AUH: variants seen among roughly 807,000 people sequenced by gnomAD.
AUH encodes AU RNA binding methylglutaconyl-CoA hydratase.
A neutral mutation model predicts 42.3 loss-of-function variants in AUH; 29 were observed. The ratio of observed to expected loss-of-function variants is 0.69; its 90% CI spans 0.51 to 0.93. The LOEUF (loss-of-function observed/expected upper bound fraction) is 0.93. AUH is among the 40% of genes least tolerant of loss of function. AUH has a pLI of 0.00. For missense variants in AUH, 452 were observed against 438.1 expected (o/e 1.03, Z -0.28); for synonymous variants, 174 against 166.4 (o/e 1.05, Z -0.35).
At chr9:91,277,077 C>T (rs762771156) in intron 6 of AUH, among the ~76,000 whole-genome samples, 6 of 152,114 alleles carry the variant, frequency 3.9e-5, no homozygotes, top group Non-Finnish European at 8.8e-5. Context: ...GTAATCCCAG[C>T]TACTTGGAAT....
intron 4 of AUH, among the ~76,000 whole-genome samples, chr9:91,300,038 T>C (rs1326510710): frequency 6.6e-6 from 1 of 152,212 alleles, no homozygotes; most frequent in Non-Finnish European, 1.5e-5. Flanking sequence ...AAGATTGTCC[T>C]ATAGCCAGTG....
chr9:91,243,791 G>T (rs1380968692), intron 6 of AUH, among the ~76,000 whole-genome samples: 1 of 152,122 alleles, frequency 6.6e-6, no homozygotes, highest in Non-Finnish European at 1.5e-5. Flanking sequence ...GCAGCAAAAT[G>T]AGCAAATTAA....
intron 6 of AUH, among the ~76,000 whole-genome samples, chr9:91,237,786 T>A (rs147816063): frequency 1.8e-4 from 27 of 152,326 alleles, no homozygotes; most frequent in African/African-American, 6.0e-4. Flanking sequence ...TGTTCCAAGC[T>A]CATCTTGTAC....
intron 9 of AUH, among the ~76,000 whole-genome samples, chr9:91,215,601 G>C (rs1297107480): frequency 6.6e-6 from 1 of 152,004 alleles, no homozygotes; most frequent in East Asian, 1.9e-4. Flanking sequence ...GAAAAGGGCC[G>C]ACTGTGTAAA....
At chr9:91,353,458 C>T (rs1832148707) in intron 3 of AUH, among the ~76,000 whole-genome samples, 1 of 152,126 alleles carries the variant, frequency 6.6e-6, no homozygotes, top group South Asian at 2.1e-4. Flanking sequence ...CATTCCTCAA[C>T]AATAACTGAT....
intron 3 of AUH, among the ~76,000 whole-genome samples, chr9:91,344,870 G>A (rs932346801): frequency 2.0e-5 from 3 of 152,054 alleles, no homozygotes; most frequent in Non-Finnish European, 2.9e-5. Context: ...ATTAATGATC[G>A]AGAGGTCTGT....
At chr9:91,234,382 A>G (rs1828060608) in intron 6 of AUH, among the ~76,000 whole-genome samples, 1 of 152,184 alleles carries the variant, frequency 6.6e-6, no homozygotes, top group African/African-American at 2.4e-5. Context: ...CTGCCATGGT[A>G]TAGACTGTCT....
intron 8 of AUH, among the ~76,000 whole-genome samples, chr9:91,216,709 T>C (rs1381151606): frequency 1.3e-5 from 2 of 152,156 alleles, no homozygotes; most frequent in Non-Finnish European, 2.9e-5. Context: ...TTACCCAAAA[T>C]ATAATAACTG....
At chr9:91,294,954 C>T (rs111550777) in intron 6 of AUH, among the ~76,000 whole-genome samples, 32,791 of 152,100 alleles carry the variant, frequency 0.22, 3,736 homozygotes, top group East Asian at 0.34. Flanking sequence ...AAATCTCATC[C>T]TGAATTGTAG....
chr9:91,332,649 G>A (rs1398368305), intron 3 of AUH, among the ~76,000 whole-genome samples: 1 of 152,226 alleles, frequency 6.6e-6, no homozygotes, highest in Non-Finnish European at 1.5e-5. Flanking sequence ...CACAGCTTTT[G>A]GCCAGAAGCC....
At chr9:91,274,357 T>G (rs998321110) in intron 6 of AUH, among the ~76,000 whole-genome samples, 2 of 152,216 alleles carry the variant, frequency 1.3e-5, no homozygotes, top group African/African-American at 2.4e-5. Context: ...CAGAGTGTTA[T>G]GATGACACAT....
intron 3 of AUH, among the ~76,000 whole-genome samples, chr9:91,347,184 T>C (rs1831576836): frequency 6.6e-6 from 1 of 151,522 alleles, no homozygotes; most frequent in South Asian, 2.1e-4. Context: ...ATTACAGGAA[T>C]GTGCCACCAC....
chr9:91,219,156 G>T (rs1417039917), intron 7 of AUH, among the ~76,000 whole-genome samples: 1 of 152,164 alleles, frequency 6.6e-6, no homozygotes, highest in African/African-American at 2.4e-5. Flanking sequence ...TGTGTGGACG[G>T]TGGTGGCATT....
chr9:91,250,013 G>GAA (rs200013936), intron 6 of AUH, among the ~76,000 whole-genome samples: 3,923 of 126,308 alleles, frequency 0.031, 78 homozygotes, highest in African/African-American at 0.062. Context: ...TCCGTCTCAA[G>GAA]AAAAAAAAAA....
At chr9:91,348,441 G>A (rs1831702259) in intron 3 of AUH, among the ~76,000 whole-genome samples, 1 of 152,180 alleles carries the variant, frequency 6.6e-6, no homozygotes, top group Non-Finnish European at 1.5e-5. Context: ...AAAAAGGTGT[G>A]TGTGAATGGT....
intron 4 of AUH, among the ~76,000 whole-genome samples, chr9:91,306,673 T>C (rs1229573686): frequency 1.3e-5 from 2 of 152,172 alleles, no homozygotes; most frequent in Non-Finnish European, 2.9e-5. Context: ...TTAACCCAGG[T>C]GATTTATACA....
chr9:91,290,688 A>G (rs980941930), intron 6 of AUH, among the ~76,000 whole-genome samples: 1 of 152,312 alleles, frequency 6.6e-6, no homozygotes, highest in African/African-American at 2.4e-5. Context: ...GTGAGTTCAC[A>G]AGACAAGACA....
chr9:91,308,757 T>C (rs1211865831), intron 4 of AUH, among the ~76,000 whole-genome samples: 1 of 151,852 alleles, frequency 6.6e-6, no homozygotes, highest in African/African-American at 2.4e-5. Flanking sequence ...AAAAAAATTC[T>C]GCAAACTTTG....
At chr9:91,247,214 C>T (rs554430311) in intron 6 of AUH, among the ~76,000 whole-genome samples, 4 of 152,258 alleles carry the variant, frequency 2.6e-5, no homozygotes, top group South Asian at 4.1e-4. Context: ...AGTCTACATC[C>T]GGACAGAGAA....
Sources: gnomAD v4.1 joint callset for allele counts (sites outside exome capture counted in the v4.1 genomes callset) on GRCh38, gnomAD v4.1.1 for gene constraint, MANE v1.5 for transcripts, NCBI Gene and HGNC (gene_info 2026-07-23, HGNC 2026-07-21) for gene names.